Variants in TRPM3 observed in about 807,000 individuals in gnomAD.
TRPM3 encodes long transient receptor potential channel 3.
In TRPM3, 77 loss-of-function variants were observed where a neutral mutation model predicts 181.2. The ratio of observed to expected loss-of-function variants is 0.42; its 90% CI spans 0.35 to 0.51. The LOEUF is 0.51. Among genes scored for constraint, TRPM3 ranks in the 20% least tolerant of loss-of-function variants. The probability of loss-of-function intolerance (pLI) is 0.01; values close to 1 mark genes in which losing one functional copy is unlikely to be tolerated. For missense variants in TRPM3, 1,759 were observed against 2,196.7 expected (o/e 0.80, Z 3.98); for synonymous variants, 745 against 796.4 (o/e 0.94, Z 1.09).
At chr9:70,764,667 A>G (rs569016066) in intron 7 of TRPM3, among the ~76,000 whole-genome samples, 5 of 152,182 alleles carry the variant, frequency 3.3e-5, no homozygotes, top group Non-Finnish European at 5.9e-5. Flanking sequence ...GAATTCTAGA[A>G]GTGGAAGGAT....
chr9:70,813,647 A>G (rs1218556674), intron 6 of TRPM3, among the ~76,000 whole-genome samples: 1 of 152,196 alleles, frequency 6.6e-6, no homozygotes, highest in Non-Finnish European at 1.5e-5. Context: ...GCACCTCCCG[A>G]AACTAAAATA....
At chr9:71,134,014 T>TGTGC (rs1554832860) in intron 1 of TRPM3, among the ~76,000 whole-genome samples, 10 of 139,948 alleles carry the variant, frequency 7.1e-5, no homozygotes, top group South Asian at 5.0e-4. Flanking sequence ...TGTGTGTGTG[T>TGTGC]GCGCGTGCGC....
chr9:71,133,282 T>G (rs2074482263), intron 1 of TRPM3, among the ~76,000 whole-genome samples: 1 of 137,332 alleles, frequency 7.3e-6, no homozygotes, highest in African/African-American at 2.8e-5. Context: ...GTAATTCTTC[T>G]AGCAAATTGC....
In TRPM3 at chr9:70,624,063, C is replaced by G. The variant is rs115883208; in HGVS notation, c.1809+1128G>C. On this transcript the variant is annotated intron_variant, in intron 14 of 25. Coordinates refer to ENST00000677713, the MANE Select transcript of TRPM3 (RefSeq NM_001366145.2). ...AGAAAAAAATTGGGATTCTGGAAAA[C>G]TTGTATGTACTCCCCCCACCTCCAC... Among the ~76,000 whole-genome samples, 1,191 of 152,236 alleles carry G rather than the reference C, an allele frequency of 7.8e-3. 16 individuals carry two copies. Among genetic ancestry groups the G allele is most frequent in the African/African-American group, 0.026 (1,100 of 41,532 alleles).
intron 19 of TRPM3, among the ~76,000 whole-genome samples, chr9:70,604,679 C>T (rs1181842202): frequency 2.0e-5 from 3 of 152,120 alleles, no homozygotes; most frequent in Admixed American, 6.5e-5. Flanking sequence ...GTCTCACTCT[C>T]GTCACCCAGG....
intron 1 of TRPM3, among the ~76,000 whole-genome samples, chr9:71,256,462 CA>C (rs747086304): frequency 7.2e-5 from 11 of 151,796 alleles, no homozygotes; most frequent in Non-Finnish European, 1.3e-4. Context: ...AATGATACAC[CA>C]AAAATTTAAT....
At chr9:71,057,951 T>C (rs182746694) in intron 1 of TRPM3, among the ~76,000 whole-genome samples, 6 of 152,218 alleles carry the variant, frequency 3.9e-5, no homozygotes, top group Admixed American at 3.9e-4. Context: ...CCTCATTTTA[T>C]AAGAATATGC....
chr9:71,078,614 T>G (rs1225726230), intron 1 of TRPM3, among the ~76,000 whole-genome samples: 1 of 152,196 alleles, frequency 6.6e-6, no homozygotes, highest in Non-Finnish European at 1.5e-5. Context: ...TAGTGAGTCT[T>G]GTATGCATAG....
rs374673066 is a variant in TRPM3 at position 71,032,054 on chromosome 9, T to TA, written c.177+89123dup. ...TATAAATATATATATATATATTATATATATTATATATATTATATTATATTA... is the reference window on the plus strand; with the variant it reads ...TATAAATATATATATATATATTATATAATATTATATATATTATATTATATTA... On this transcript the variant is annotated intron_variant, in intron 1 of 25. Transcript: ENST00000677713. 0.073 allele frequency among the ~76,000 whole-genome samples: 95 copies of TA among 1,302 alleles called. 13 individuals are homozygous for TA. The East Asian group carries it at 0.75, about 10-fold the overall frequency. The allele number at this position is 1,302 out of a possible 152,430, so 0.9% of individuals were successfully genotyped here. A position where few individuals can be genotyped will look rare whatever the true frequency, so the allele number is the denominator to read the frequency against.
chr9:70,740,584 C>T (rs1383449984), intron 8 of TRPM3, among the ~76,000 whole-genome samples: 2 of 152,090 alleles, frequency 1.3e-5, no homozygotes, highest in African/African-American at 4.8e-5. Flanking sequence ...AAACTATACT[C>T]TAATGCCATA....
At chr9:71,395,086 A>G (rs545689269) in intron 1 of TRPM3, among the ~76,000 whole-genome samples, 55 of 152,194 alleles carry the variant, frequency 3.6e-4, no homozygotes, top group Non-Finnish European at 6.9e-4. Context: ...ATGATGAGAC[A>G]TTGTGCTACC....
At chr9:70,681,684 A>G (rs2065475194) in intron 8 of TRPM3, 106 bp from the exon 9 acceptor site, 3 of 969,422 alleles carry the variant, frequency 3.1e-6, no homozygotes, top group Non-Finnish European at 4.9e-6. Context: ...TCTACAAAGT[A>G]GATTCTTAAC....
intron 1 of TRPM3, among the ~76,000 whole-genome samples, chr9:70,934,385 A>C (rs541495235): frequency 1.3e-5 from 2 of 152,268 alleles, no homozygotes; most frequent in African/African-American, 4.8e-5. Flanking sequence ...TTATGTGGTA[A>C]AACCTGAGTA....
intron 7 of TRPM3, among the ~76,000 whole-genome samples, chr9:70,764,493 C>T (rs1009540740): frequency 6.6e-6 from 1 of 152,122 alleles, no homozygotes; most frequent in Non-Finnish European, 1.5e-5. Flanking sequence ...CACTTGTATC[C>T]AATCTGTCAC....
intron 1 of TRPM3, among the ~76,000 whole-genome samples, chr9:71,391,770 T>G (rs2132952157): frequency 6.6e-6 from 1 of 152,240 alleles, no homozygotes; most frequent in South Asian, 2.1e-4. Flanking sequence ...TAATGTTTTT[T>G]GCACTCATGC....
At chr9:70,678,552 A>G (rs1365683546) in intron 9 of TRPM3, among the ~76,000 whole-genome samples, 2 of 152,230 alleles carry the variant, frequency 1.3e-5, no homozygotes, top group Non-Finnish European at 2.9e-5. Flanking sequence ...AACAAGGAGC[A>G]GCAAAGAAAT....
intron 1 of TRPM3, among the ~76,000 whole-genome samples, chr9:71,268,398 T>A (rs1327462859): frequency 2.0e-5 from 3 of 151,148 alleles, no homozygotes; most frequent in African/African-American, 4.9e-5. Flanking sequence ...ATAATAATAA[T>A]AAAAAACTTG....
intron 1 of TRPM3, among the ~76,000 whole-genome samples, chr9:70,905,464 G>A (rs527825056): frequency 6.6e-6 from 1 of 152,140 alleles, no homozygotes; most frequent in East Asian, 1.9e-4. Flanking sequence ...TTTACAAACC[G>A]ACTGAGGGTG....
rs1051382120 is a variant in TRPM3 at position 70,743,868 on chromosome 9, G to T, written c.1272+17733C>A. On this transcript the variant is annotated intron_variant, in intron 8 of 25. Coordinates refer to ENST00000677713, the MANE Select transcript of TRPM3 (RefSeq NM_001366145.2). ...ATATTTTATTTTTATTTAATTGATT[G>T]TATTACTTTCATTAATTTTTCTCAG... Among the ~76,000 whole-genome samples, 4 of 152,126 alleles carry T rather than the reference G, an allele frequency of 2.6e-5. No individual in the cohort carries two copies. In the South Asian group the frequency reaches 8.3e-4, roughly 32 times the overall value.
Sources: gnomAD v4.1 joint callset for allele counts (sites outside exome capture counted in the v4.1 genomes callset) on GRCh38, gnomAD v4.1.1 for gene constraint, MANE v1.5 for transcripts, NCBI Gene and HGNC (gene_info 2026-07-23, HGNC 2026-07-21) for gene names.